GMPR: variants seen among roughly 807,000 people sequenced by gnomAD.
GMPR encodes the protein guanosine monophosphate reductase, also known as GMP reductase 1.
In GMPR, 31 loss-of-function variants were observed where a neutral mutation model predicts 38.4. The ratio of observed to expected loss-of-function variants is 0.81; its 90% CI spans 0.61 to 1.09. The LOEUF is 1.09. GMPR is among the 50% of genes least tolerant of loss of function. GMPR has a pLI of 0.00. For missense variants in GMPR, 468 were observed against 453.7 expected (o/e 1.03, Z -0.29); for synonymous variants, 162 against 173.3 (o/e 0.93, Z 0.51).
At chr6:16,256,528 CAA>C (rs1006257648) in intron 4 of GMPR, among the ~76,000 whole-genome samples, 3 of 33,924 alleles carry the variant, frequency 8.8e-5, no homozygotes, top group Non-Finnish European at 1.9e-4. Context: ...GACTCTGTCT[CAA>C]AAAAAAAAAA....
In GMPR at chr6:16,251,337, G is replaced by A. The variant is rs560517209; in HGVS notation, c.291+970G>A. Among the ~76,000 whole-genome samples, 35 of 152,318 alleles carry A rather than the reference G, an allele frequency of 2.3e-4. No homozygotes were observed. In the South Asian group the frequency reaches 6.0e-3, roughly 26 times the overall value. ...TGTAATCCCAGAACTTTGGGAGGCC[G>A]AGTCGGGTGGATCACCTGAGGTCGG... On this transcript the variant is annotated intron_variant, in intron 3 of 8. Transcript: ENST00000259727.
At chr6:16,264,710 TTGAGCCAGGA>T (rs1759157141) in intron 4 of GMPR, among the ~76,000 whole-genome samples, 1 of 152,126 alleles carries the variant, frequency 6.6e-6, no homozygotes. Context: ...AGGGGAGCTT[TTGAGCCAGGA>T]TGAGCCAGGA....
chr6:16,246,227 C>A (rs1219516182), intron 1 of GMPR, among the ~76,000 whole-genome samples: 4 of 152,106 alleles, frequency 2.6e-5, no homozygotes. Flanking sequence ...TCCTACATGC[C>A]CCGATCTTGA....
intron 7 of GMPR, among the ~76,000 whole-genome samples, chr6:16,286,354 A>T (rs1356674004): frequency 6.6e-6 from 1 of 151,846 alleles, no homozygotes; most frequent in Non-Finnish European, 1.5e-5. Flanking sequence ...AAAGCACTAG[A>T]CGCTCCAGCC....
In GMPR at chr6:16,295,060, T is replaced by C. The variant is rs200933326; in HGVS notation, c.912T>C (p.Thr304=). The part of the protein sequence containing the change: ...EVPYKGDVEN[T]ILDILGGLRS... ...CTTACAAAGGAGATGTGGAAAACAC[T>C]ATCCTGGATATTCTCGGGGGACTGA... Residue 304 remains threonine, a synonymous_variant, in exon 9 of 9, where the codon ACT becomes ACC. Coordinates refer to ENST00000259727, the MANE Select transcript of GMPR (RefSeq NM_006877.4). The C allele has an allele frequency of 1.2e-6, 2 of 1,607,580 alleles. No individual in the cohort carries two copies. The highest frequency in any genetic ancestry group is 4.5e-5 in the East Asian group (2 of 44,210).
chr6:16,240,240 A>T (rs1355564135), intron 1 of GMPR, among the ~76,000 whole-genome samples: 3 of 152,232 alleles, frequency 2.0e-5, no homozygotes, highest in African/African-American at 7.2e-5. Flanking sequence ...AATATTGAAC[A>T]TTAATGTAAT....
chr6:16,276,566 T>C (rs1179832390), intron 5 of GMPR, among the ~76,000 whole-genome samples: 2 of 152,186 alleles, frequency 1.3e-5, no homozygotes, highest in Non-Finnish European at 2.9e-5. Flanking sequence ...CCAGAAGCTG[T>C]ATTGTCCTTC....
chr6:16,266,508 A>G (rs1413862989), intron 4 of GMPR, among the ~76,000 whole-genome samples: 2 of 150,254 alleles, frequency 1.3e-5, no homozygotes, highest in South Asian at 4.2e-4. Flanking sequence ...GCCACCTTTA[A>G]GAGCTGTAAC....
chr6:16,253,616 T>TGG (rs140790026), intron 3 of GMPR, among the ~76,000 whole-genome samples: 4,154 of 150,512 alleles, frequency 0.028, 81 homozygotes, highest in African/African-American at 0.057. Flanking sequence ...CCACCTCCAC[T>TGG]GGGGGGGGGT....
intron 2 of GMPR, among the ~76,000 whole-genome samples, chr6:16,247,354 G>A (rs1161710180): frequency 6.6e-6 from 1 of 151,814 alleles, no homozygotes; most frequent in East Asian, 1.9e-4. Flanking sequence ...GCTTATGTAC[G>A]AAACACTGCA....
Position 16,285,849 on chromosome 6 carries a change from C to A in GMPR, c.697+14C>A. The stretch of plus-strand genomic sequence containing the variant: ...CCAAAGCCTTTGGTAAGGCCGGGCC[C>A]TGGTGCAGAGGGAGGGAAGGAAGGA... On this transcript the variant is annotated intron_variant, in intron 7 of 8. Transcript: ENST00000259727. The A allele has an allele frequency of 1.2e-6, 2 of 1,604,228 alleles. No homozygotes were observed. Among genetic ancestry groups the A allele is most frequent in the East Asian group, 2.2e-5 (1 of 44,548 alleles).
chr6:16,287,199 T>C (rs1759703225), intron 7 of GMPR, among the ~76,000 whole-genome samples: 1 of 152,186 alleles, frequency 6.6e-6, no homozygotes. Flanking sequence ...ATACAGAGCC[T>C]CTGCTAACTA....
chr6:16,285,732 G>A (rs1234476771), intron 6 of GMPR, 61 bp from the exon 7 acceptor site: 5 of 1,413,714 alleles, frequency 3.5e-6, no homozygotes, highest in Non-Finnish European at 5.0e-6. Flanking sequence ...TCTGGGGGGA[G>A]GGGACAGCCT....
chr6:16,256,860 A>G (rs752322331), intron 4 of GMPR, among the ~76,000 whole-genome samples: 37 of 152,318 alleles, frequency 2.4e-4, no homozygotes, highest in Non-Finnish European at 4.4e-4. Flanking sequence ...TGATGACAGC[A>G]CCTGGCACAG....
chr6:16,255,137 A>G (rs148523918), intron 4 of GMPR, among the ~76,000 whole-genome samples: 8 of 151,818 alleles, frequency 5.3e-5, no homozygotes, highest in African/African-American at 1.9e-4. Flanking sequence ...TCAGCCTCAC[A>G]AGTAGCTGGG....
At chr6:16,267,024 A>C (rs1759260968) in intron 4 of GMPR, among the ~76,000 whole-genome samples, 1 of 151,376 alleles carries the variant, frequency 6.6e-6, no homozygotes, top group African/African-American at 2.4e-5. Flanking sequence ...TAAGAGCTGT[A>C]ACACTCCCTG....
At chr6:16,271,791 A>G (rs2113691822) in intron 4 of GMPR, among the ~76,000 whole-genome samples, 1 of 152,354 alleles carries the variant, frequency 6.6e-6, no homozygotes, top group Admixed American at 6.5e-5. Flanking sequence ...TCACCTAGAC[A>G]TCATCTGTTA....
In GMPR at chr6:16,254,626, C is replaced by T; in HGVS notation, c.356C>T (p.Ala119Val). Residue 119 changes from alanine (A) to valine (V), a missense_variant, in exon 4 of 9, where the codon GCT becomes GTT. Coordinates refer to ENST00000259727, the MANE Select transcript of GMPR (RefSeq NM_006877.4). The stretch of plus-strand genomic sequence containing the variant: ...GAAAAGATGACCAGCATCCTGGAAG[C>T]TGTGCCACAGGTTAAGTTTATTTGC... ...DLEKMTSILE[A>V]VPQVKFICLD... The T allele has an allele frequency of 6.2e-7, 1 of 1,613,454 alleles. No homozygotes were observed. The highest frequency in any genetic ancestry group is 1.6e-4 in the Middle Eastern group (1 of 6,062).
At chr6:16,290,385 A>C (rs536995997) in intron 7 of GMPR, 77 bp from the exon 8 acceptor site, 2 of 1,320,576 alleles carry the variant, frequency 1.5e-6, no homozygotes, top group East Asian at 2.3e-5. Flanking sequence ...CTGGGCAAGC[A>C]CTGGGATTTT....
Sources: gnomAD v4.1 joint callset for allele counts (sites outside exome capture counted in the v4.1 genomes callset) on GRCh38, gnomAD v4.1.1 for gene constraint, MANE v1.5 for transcripts, NCBI Gene and HGNC (gene_info 2026-07-23, HGNC 2026-07-21) for gene names.